The following GLIS3 variants were observed in gnomAD, a reference collection of about 807,000 sequenced individuals.
GLIS3 encodes the protein zinc finger protein GLIS3.
Under a neutral mutation model 78.6 loss-of-function variants are expected in GLIS3, and 53 were observed. The observed-to-expected ratio is 0.67, with a 90% CI of 0.54 to 0.85. GLIS3 has a LOEUF of 0.85. Among genes scored for constraint, GLIS3 ranks in the 40% least tolerant of loss-of-function variants. GLIS3 has a pLI of 0.00. For synonymous variants in GLIS3, 684 were observed against 509.9 expected (o/e 1.34, Z -4.60); for missense variants, 1,703 against 1,231.1 (o/e 1.38, Z -5.74).
At chr9:4,416,332 C>T in the GLIS3 span, among the ~76,000 whole-genome samples, 1 of 149,418 alleles carries the variant, frequency 6.7e-6, no homozygotes, top group South Asian at 2.1e-4. Context: ...TGTTCCATCA[C>T]CTTTACAATT....
At chr9:4,217,693 C>T (rs1367242167) in intron 2 of GLIS3, among the ~76,000 whole-genome samples, 1 of 152,182 alleles carries the variant, frequency 6.6e-6, no homozygotes, top group South Asian at 2.1e-4. Flanking sequence ...GTCACAGGCC[C>T]AGGGCAGGAT....
At chr9:4,157,779 G>C (rs891675876) in intron 2 of GLIS3, among the ~76,000 whole-genome samples, 2 of 152,118 alleles carry the variant, frequency 1.3e-5, no homozygotes, top group Non-Finnish European at 2.9e-5. Context: ...AGTGTAACCA[G>C]GCACAATTGA....
chr9:4,349,359 T>C (rs1398220654), upstream of GLIS3, among the ~76,000 whole-genome samples: 1 of 152,260 alleles, frequency 6.6e-6, no homozygotes, highest in Admixed American at 6.5e-5. Context: ...CTAAATGCTT[T>C]ATAATAGTAA....
intron 2 of GLIS3, among the ~76,000 whole-genome samples, chr9:4,219,466 C>G (rs779728261): frequency 5.9e-5 from 9 of 152,164 alleles, no homozygotes; most frequent in Admixed American, 3.3e-4. Flanking sequence ...TCACTGTTTC[C>G]TATGCACATC....
chr9:4,355,066 G>GATGAGCGC, the GLIS3 span, among the ~76,000 whole-genome samples: 1 of 150,150 alleles, frequency 6.7e-6, no homozygotes, highest in Non-Finnish European at 1.5e-5. Flanking sequence ...GGGAGGCGGA[G>GATGAGCGC]GTTGCAGTGA....
the GLIS3 span, among the ~76,000 whole-genome samples, chr9:4,489,509 A>T: frequency 6.6e-6 from 1 of 152,182 alleles, no homozygotes; most frequent in Admixed American, 6.5e-5. Context: ...CTGCGGAGGT[A>T]CTGATTTGGT....
chr9:4,379,899 T>A, the GLIS3 span, among the ~76,000 whole-genome samples: 2 of 152,160 alleles, frequency 1.3e-5, no homozygotes, highest in Admixed American at 6.5e-5. Context: ...TGCATCTGTA[T>A]GTGTTTTAGC....
intron 2 of GLIS3, among the ~76,000 whole-genome samples, chr9:4,275,238 G>T (rs932180376): frequency 6.6e-6 from 1 of 152,176 alleles, no homozygotes; most frequent in African/African-American, 2.4e-5. Context: ...GGGGCCAACT[G>T]TTGAAAAAAG....
Position 3,848,151 on chromosome 9 carries a change from C to A in GLIS3, c.2473+7858G>T, listed in dbSNP as rs562680414. On this transcript the variant is annotated intron_variant, in intron 9 of 10. Coordinates refer to ENST00000381971, the MANE Select transcript of GLIS3 (RefSeq NM_001042413.2). ...TTATTATTTCATAACCTCATATATG[C>A]AGTTATGATGAAATTTTCTGTGGGA... Among the ~76,000 whole-genome samples, 5 of 152,274 alleles carry A rather than the reference C, an allele frequency of 3.3e-5. No homozygotes were observed. The South Asian group carries it at 1.0e-3, about 32-fold the overall frequency.
intron 4 of GLIS3, among the ~76,000 whole-genome samples, chr9:4,020,204 C>T (rs1407214084): frequency 6.6e-6 from 1 of 152,162 alleles, no homozygotes. Context: ...AAGTCAGGGG[C>T]ATTCCTCCTG....
chr9:4,257,565 ATGTTGT>A (rs71324292), intron 2 of GLIS3, among the ~76,000 whole-genome samples: 1 of 41,486 alleles, frequency 2.4e-5, no homozygotes, highest in African/African-American at 6.4e-5. Flanking sequence ...TAACATGTAT[ATGTTGT>A]TGTTGTTGTT....
chr9:4,231,513 C>T (rs1822250142), intron 2 of GLIS3, among the ~76,000 whole-genome samples: 1 of 151,928 alleles, frequency 6.6e-6, no homozygotes, highest in East Asian at 1.9e-4. Flanking sequence ...GAGAAAAAGT[C>T]CTTAGATAGA....
At chr9:4,381,624 G>A in the GLIS3 span, among the ~76,000 whole-genome samples, 10 of 150,962 alleles carry the variant, frequency 6.6e-5, no homozygotes, top group Non-Finnish European at 1.3e-4. Context: ...GGGCATGCCT[G>A]TTTGTCTTCC....
chr9:4,441,142 A>AT, the GLIS3 span, among the ~76,000 whole-genome samples: 5 of 151,954 alleles, frequency 3.3e-5, no homozygotes, highest in East Asian at 5.8e-4. Context: ...GATACCTTTT[A>AT]TTTTTCTATC....
chr9:4,089,535 T>TA (rs1441730990), intron 4 of GLIS3, among the ~76,000 whole-genome samples: 2 of 152,108 alleles, frequency 1.3e-5, no homozygotes, highest in African/African-American at 4.8e-5. Context: ...GTTAAAAACA[T>TA]AAAAAATTGG....
chr9:4,438,595 G>A, the GLIS3 span, among the ~76,000 whole-genome samples: 1 of 152,192 alleles, frequency 6.6e-6, no homozygotes, highest in Non-Finnish European at 1.5e-5. Context: ...GTTTGGCTGT[G>A]TCCTCACCCA....
intron 4 of GLIS3, chr9:4,035,697 C>G (rs1387193124): frequency 6.6e-6 from 1 of 152,154 alleles, no homozygotes; most frequent in African/African-American, 2.4e-5. Context: ...GGCCCCTCCT[C>G]AGAAACTATC....
At chr9:4,374,554 C>T in the GLIS3 span, among the ~76,000 whole-genome samples, 2 of 152,240 alleles carry the variant, frequency 1.3e-5, no homozygotes, top group African/African-American at 4.8e-5. Context: ...TCACACATGG[C>T]GGCTGTCTCT....
chr9:4,161,849 GTTT>G (rs56116096), intron 2 of GLIS3, among the ~76,000 whole-genome samples: 106,445 of 146,690 alleles, frequency 0.73, 38,515 homozygotes, highest in East Asian at 0.83. Context: ...GCTAATTTTT[GTTT>G]TTTTTTTTTT....
Sources: gnomAD v4.1 joint callset for allele counts (sites outside exome capture counted in the v4.1 genomes callset) on GRCh38, gnomAD v4.1.1 for gene constraint, MANE v1.5 for transcripts, NCBI Gene and HGNC (gene_info 2026-07-23, HGNC 2026-07-21) for gene names.